The following TRPM3 variants were observed in gnomAD, a reference collection of about 807,000 sequenced individuals.
TRPM3 encodes long transient receptor potential channel 3.
In TRPM3, 77 loss-of-function variants were observed where a neutral mutation model predicts 181.2. The ratio of observed to expected loss-of-function variants is 0.42; its 90% confidence interval spans 0.35 to 0.51. TRPM3 has a LOEUF of 0.51. Among genes scored for constraint, TRPM3 ranks in the 20% least tolerant of loss-of-function variants. The probability of loss-of-function intolerance (pLI) is 0.01; values close to 1 mark genes in which losing one functional copy is unlikely to be tolerated. For synonymous variants in TRPM3, 745 were observed against 796.4 expected (o/e 0.94, Z 1.09); for missense variants, 1,759 against 2,196.7 (o/e 0.80, Z 3.98).
intron 8 of TRPM3, among the ~76,000 whole-genome samples, chr9:70,752,043 TGTGTGTGC>T (rs763188223): frequency 0.045 from 5,013 of 111,696 alleles, 105 homozygotes; most frequent in Non-Finnish European, 0.066. Flanking sequence ...TGTGTGTGTG[TGTGTGTGC>T]GCGCGCGCGC....
At position 70,846,682 on chromosome 9, in the gene TRPM3, G is replaced by A. The variant is rs537982018; in HGVS notation, c.463-91C>T. 4.7e-5 allele frequency: 51 copies of A among 1,078,164 alleles called. No individual in the cohort carries two copies. The African/African-American group carries it at 7.6e-4, about 16-fold the overall frequency. 66.8% of individuals were successfully genotyped at this position (1,078,164 alleles called of 1,614,324 possible). On this transcript the variant is annotated intron_variant, in intron 3 of 25. Transcript: ENST00000677713. ...TGATTGCAATTATATGTGTAGTTATGTGACAAAAACGTCTCATATAAAATC... is the reference window on the plus strand; with the variant it reads ...TGATTGCAATTATATGTGTAGTTATATGACAAAAACGTCTCATATAAAATC...
intron 1 of TRPM3, among the ~76,000 whole-genome samples, chr9:71,194,425 C>T (rs2078218914): frequency 6.6e-6 from 1 of 151,886 alleles, no homozygotes; most frequent in Non-Finnish European, 1.5e-5. Flanking sequence ...TTTTAGCCAA[C>T]AGAACTGGGC....
intron 1 of TRPM3, among the ~76,000 whole-genome samples, chr9:71,418,716 A>C (rs536033253): frequency 3.3e-5 from 5 of 150,112 alleles, no homozygotes; most frequent in African/African-American, 1.2e-4. Flanking sequence ...AGGATTCCTA[A>C]AAGGCTCAAA....
intron 9 of TRPM3, among the ~76,000 whole-genome samples, chr9:70,660,653 T>A (rs1296524734): frequency 6.6e-6 from 1 of 152,086 alleles, no homozygotes; most frequent in Non-Finnish European, 1.5e-5. Context: ...AAGGCTACTA[T>A]GAACATCTTT....
chr9:70,675,430 A>C (rs1430947469), intron 9 of TRPM3, among the ~76,000 whole-genome samples: 1 of 152,174 alleles, frequency 6.6e-6, no homozygotes, highest in Non-Finnish European at 1.5e-5. Flanking sequence ...AATTTGAACA[A>C]ATTTACAAAT....
At chr9:71,383,417 C>T (rs1409376105) in intron 1 of TRPM3, among the ~76,000 whole-genome samples, 1 of 152,120 alleles carries the variant, frequency 6.6e-6, no homozygotes, top group African/African-American at 2.4e-5. Context: ...TTGTTGGGTT[C>T]AGCCAATAGG....
intron 1 of TRPM3, among the ~76,000 whole-genome samples, chr9:70,983,302 A>C (rs7037537): frequency 0.29 from 43,711 of 151,682 alleles, 6,353 homozygotes; most frequent in East Asian, 0.45. Flanking sequence ...CTCCAGGATC[A>C]GTTCTAATAC....
intron 5 of TRPM3, among the ~76,000 whole-genome samples, chr9:70,831,213 ATTT>A (rs1420591306): frequency 6.6e-6 from 1 of 152,268 alleles, no homozygotes; most frequent in East Asian, 1.9e-4. Flanking sequence ...CCAGCAATCT[ATTT>A]TTGTTTGAGT....
intron 9 of TRPM3, among the ~76,000 whole-genome samples, chr9:70,672,021 C>T (rs892288710): frequency 3.3e-5 from 5 of 151,762 alleles, no homozygotes; most frequent in Admixed American, 6.6e-5. Context: ...CTGCCTGCCT[C>T]GGCCTCCCAA....
At chr9:70,919,097 C>A (rs1274713744) in intron 1 of TRPM3, among the ~76,000 whole-genome samples, 1 of 152,146 alleles carries the variant, frequency 6.6e-6, no homozygotes, top group Admixed American at 6.5e-5. Context: ...CTTTCCAATT[C>A]ATCCTATTCC....
chr9:71,146,046 T>A (rs1009633918), intron 1 of TRPM3, among the ~76,000 whole-genome samples: 8 of 152,218 alleles, frequency 5.3e-5, no homozygotes, highest in Non-Finnish European at 1.0e-4. Context: ...TTAGGCATAT[T>A]TCTACTGTTT....
rs1250538459 is a variant in TRPM3 at position 70,615,914 on chromosome 9, C to T, written c.2520G>A (p.Glu840=). The T allele has an allele frequency of 3.7e-6, 6 of 1,600,572 alleles. No individual in the cohort carries two copies. Among genetic ancestry groups the T allele is most frequent in the South Asian group, 2.3e-5 (2 of 87,806 alleles). Residue 840 remains glutamate (E), a synonymous_variant, in exon 18 of 26, where the codon GAG becomes GAA. Transcript: ENST00000677713. ...PTKEKEEEDM[E]LTAMLGRNNG... Reference sequence around the variant, plus strand: ...CTGTGCAATGTTTTCTTACTGTGAGCTCCATGTCCTCTTCCTCTTTTTCCT... The same window carrying T: ...CTGTGCAATGTTTTCTTACTGTGAGTTCCATGTCCTCTTCCTCTTTTTCCT...
intron 1 of TRPM3, among the ~76,000 whole-genome samples, chr9:70,973,882 T>C (rs1455476317): frequency 6.6e-6 from 1 of 152,238 alleles, no homozygotes; most frequent in Non-Finnish European, 1.5e-5. Context: ...ATGATACAAC[T>C]TCTTACCAAC....
chr9:71,002,866 G>A (rs932849715), intron 1 of TRPM3, among the ~76,000 whole-genome samples: 9 of 151,882 alleles, frequency 5.9e-5, no homozygotes, highest in Admixed American at 2.0e-4. Flanking sequence ...TGCTAACATC[G>A]CAACCAAGAA....
chr9:71,288,485 G>A (rs1047750030), intron 1 of TRPM3, among the ~76,000 whole-genome samples: 4 of 152,110 alleles, frequency 2.6e-5, no homozygotes, highest in African/African-American at 9.6e-5. Context: ...AAATATATAC[G>A]TTTTGCTTCT....
chr9:70,811,072 AGTGATACT>A (rs1346490884), intron 6 of TRPM3: 1 of 908,280 alleles, frequency 1.1e-6, no homozygotes, highest in African/African-American at 1.7e-5. Flanking sequence ...AGTCATAGGG[AGTGATACT>A]GTTAGGAAAT....
chr9:71,335,095 C>T (rs1291849388), intron 1 of TRPM3, among the ~76,000 whole-genome samples: 4 of 151,956 alleles, frequency 2.6e-5, no homozygotes, highest in African/African-American at 7.2e-5. Context: ...TCACGGGTAA[C>T]CAAAAAATTA....
At chr9:71,215,033 CAAAA>C (rs67349189) in intron 1 of TRPM3, among the ~76,000 whole-genome samples, 60,410 of 106,854 alleles carry the variant, frequency 0.57, 13,525 homozygotes, top group South Asian at 0.63. Flanking sequence ...CACCAAAAAA[CAAAA>C]AAAAAAAAAC....
intron 9 of TRPM3, among the ~76,000 whole-genome samples, chr9:70,665,738 G>T (rs1374615399): frequency 6.6e-6 from 1 of 152,152 alleles, no homozygotes; most frequent in East Asian, 1.9e-4. Context: ...TACACAGCTG[G>T]ATATATAAAA....
Sources: allele counts gnomAD v4.1 joint callset (sites outside exome capture counted in the v4.1 genomes callset), GRCh38; gene constraint gnomAD v4.1.1; transcripts MANE v1.5; gene names NCBI Gene and HGNC (gene_info 2026-07-23, HGNC 2026-07-21).